The following PTBP3 variants were observed in gnomAD, a reference collection of about 807,000 sequenced individuals.
The protein encoded by PTBP3 is polypyrimidine tract-binding protein 3.
A neutral mutation model predicts 58.7 loss-of-function variants in PTBP3; 20 were observed. The ratio of observed to expected loss-of-function variants is 0.34; its 90% CI spans 0.24 to 0.50. PTBP3 has a LOEUF of 0.50. Among genes scored for constraint, PTBP3 ranks in the 20% least tolerant of loss-of-function variants. The pLI, the probability that PTBP3 is intolerant of heterozygous loss-of-function variation, is 0.98. For missense variants in PTBP3, 509 were observed against 637.2 expected (o/e 0.80, Z 2.17); for synonymous variants, 185 against 219.8 (o/e 0.84, Z 1.40).
chr9:112,227,681 T>C, intron 11 of PTBP3, 54 bp from the exon 12 acceptor site: 6 of 1,277,690 alleles, frequency 4.7e-6, no homozygotes, highest in Non-Finnish European at 6.9e-6. Flanking sequence ...GATTTCTCAG[T>C]AGTATCTGAC....
chr9:112,307,717 A>T (rs1159157258), intron 1 of PTBP3, among the ~76,000 whole-genome samples: 1 of 152,228 alleles, frequency 6.6e-6, no homozygotes. Context: ...ACTCACTTTC[A>T]AATTACAGAA....
At chr9:112,302,227 C>A (rs1828965172) in intron 1 of PTBP3, among the ~76,000 whole-genome samples, 1 of 151,996 alleles carries the variant, frequency 6.6e-6, no homozygotes, top group African/African-American at 2.4e-5. Context: ...ACCCTCTCTA[C>A]AACAAAACTA....
At chr9:112,252,531 ATG>A in intron 6 of PTBP3, 145 bp downstream of exon 6, 1 of 633,148 alleles carries the variant, frequency 1.6e-6, no homozygotes, top group Admixed American at 3.1e-5. Context: ...AAAAAAAAAC[ATG>A]GAATCATACA....
intron 1 of PTBP3, among the ~76,000 whole-genome samples, chr9:112,318,820 A>C (rs756603428): frequency 3.3e-5 from 5 of 151,916 alleles, no homozygotes; most frequent in Non-Finnish European, 7.4e-5. Flanking sequence ...AAATGTCAAA[A>C]AGAAATTAAG....
intron 1 of PTBP3, chr9:112,332,907 A>G (rs1830436589): frequency 2.5e-6 from 4 of 1,581,918 alleles, no homozygotes; most frequent in Non-Finnish European, 2.6e-6. Flanking sequence ...ACAAGTCGGG[A>G]GACCTCGGCC....
chr9:112,244,492 AGAGG>A (rs1333801680), intron 7 of PTBP3, among the ~76,000 whole-genome samples: 2 of 151,486 alleles, frequency 1.3e-5, no homozygotes, highest in Non-Finnish European at 1.5e-5. Flanking sequence ...TAGGTAATAC[AGAGG>A]GACCCTACCT....
intron 3 of PTBP3, among the ~76,000 whole-genome samples, chr9:112,273,008 T>C (rs533645411): frequency 6.6e-6 from 1 of 152,342 alleles, no homozygotes; most frequent in South Asian, 2.1e-4. Flanking sequence ...TGTTTCCACA[T>C]AAAGTCTAGA....
At chr9:112,298,711 C>A (rs1828796206) in intron 1 of PTBP3, 2 of 316,700 alleles carry the variant, frequency 6.3e-6, no homozygotes, top group Non-Finnish European at 1.2e-5. Context: ...AATATTAGAA[C>A]AGCAATAGTG....
intron 1 of PTBP3, chr9:112,330,614 A>G: frequency 1.7e-6 from 1 of 585,306 alleles, no homozygotes; most frequent in South Asian, 2.5e-5. Flanking sequence ...GTTGTGAAAT[A>G]TTAATACAAA....
chr9:112,349,793 G>C, the PTBP3 span, among the ~76,000 whole-genome samples: 1 of 144,878 alleles, frequency 6.9e-6, no homozygotes, highest in Non-Finnish European at 1.5e-5. Context: ...GAATCTGGGA[G>C]ATGAAGGTTG....
In PTBP3 at chr9:112,222,100, G is replaced by A; in HGVS notation, c.*1751C>T. 1.0e-6 allele frequency: 1 copy of A among 985,200 alleles called. No individual in the cohort carries two copies. 61.0% of individuals were successfully genotyped at this position (985,200 alleles called of 1,614,324 possible). Reference sequence around the variant, plus strand: ...GCACAGGCGCACACCACCATGCCCAGCAAGATATTCTTTATTCTTTTAAAA... The same window carrying A: ...GCACAGGCGCACACCACCATGCCCAACAAGATATTCTTTATTCTTTTAAAA... On this transcript the variant is annotated 3_prime_UTR_variant, in exon 14 of 14. Coordinates refer to ENST00000374257, the MANE Select transcript of PTBP3 (RefSeq NM_001163788.4).
At chr9:112,318,989 T>C (rs1365463502) in intron 1 of PTBP3, among the ~76,000 whole-genome samples, 2 of 151,472 alleles carry the variant, frequency 1.3e-5, no homozygotes, top group Non-Finnish European at 2.9e-5. Flanking sequence ...TAGCTGGGTG[T>C]GGTGACACAT....
Position 112,268,064 on chromosome 9 carries a change from A to T in PTBP3, c.336T>A (p.Asn112Lys), listed in dbSNP as rs765940886. 6.2e-7 allele frequency: 1 copy of T among 1,611,080 alleles called. No homozygotes were observed. ...TAATACTTACAGCTTGATTAGGTAG[A>T]TTGTCAGTCTTAAGTTCTCTGTGAT... ...YSNHRELKTD[N>K]LPNQARAQAA... is the part of the protein sequence containing the mutation. The change falls in exon 4 of 14, where the codon AAT (asparagine) becomes AAA (lysine). Residue 112 changes from asparagine (N) to lysine (K), a missense_variant. Physicochemically the swap from Asn to Lys is moderately conservative, Grantham distance 94. This residue lies in a region of PTBP3 where 212 missense variants were observed against 215.3 expected (regional missense o/e 0.98). Coordinates refer to ENST00000374257, the MANE Select transcript of PTBP3 (RefSeq NM_001163788.4).
chr9:112,265,227 G>A (rs995635427), intron 4 of PTBP3, among the ~76,000 whole-genome samples: 12 of 152,114 alleles, frequency 7.9e-5, no homozygotes, highest in Admixed American at 4.6e-4. Flanking sequence ...TAGGAGCCGG[G>A]TGCAGTGGCT....
intron 5 of PTBP3, among the ~76,000 whole-genome samples, chr9:112,256,220 C>T (rs1589829619): frequency 6.8e-6 from 1 of 147,162 alleles, no homozygotes; most frequent in East Asian, 2.0e-4. Flanking sequence ...GGCCATTGCA[C>T]TCCAACCTGG....
intron 7 of PTBP3, among the ~76,000 whole-genome samples, chr9:112,239,545 C>T (rs1271779093): frequency 6.6e-6 from 1 of 151,714 alleles, no homozygotes; most frequent in Non-Finnish European, 1.5e-5. Flanking sequence ...GCCTGGAAAA[C>T]ATAGTGAGAC....
chr9:112,350,529 T>C, the PTBP3 span, among the ~76,000 whole-genome samples: 1 of 152,184 alleles, frequency 6.6e-6, no homozygotes, highest in East Asian at 1.9e-4. Context: ...GATATGTCGT[T>C]GAGAAGAGTG....
At chr9:112,374,907 A>G in the PTBP3 span, among the ~76,000 whole-genome samples, 1 of 152,216 alleles carries the variant, frequency 6.6e-6, no homozygotes, top group Non-Finnish European at 1.5e-5. Context: ...GCTTATCACC[A>G]TGAGGAACTG....
At chr9:112,357,959 A>G in the PTBP3 span, among the ~76,000 whole-genome samples, 1 of 152,118 alleles carries the variant, frequency 6.6e-6, no homozygotes, top group African/African-American at 2.4e-5. Context: ...TGAACTGTAC[A>G]CTTCAATATA....
Sources: allele counts gnomAD v4.1 joint callset (sites outside exome capture counted in the v4.1 genomes callset), GRCh38; gene constraint gnomAD v4.1.1; regional missense constraint gnomAD v4.1.1; transcripts MANE v1.5; gene names NCBI Gene and HGNC (gene_info 2026-07-23, HGNC 2026-07-21).